CA10: variants seen among roughly 807,000 people sequenced by gnomAD.
CA10 encodes carbonic anhydrase-related protein 10.
A neutral mutation model predicts 44.2 loss-of-function variants in CA10; 14 were observed. The ratio of observed to expected loss-of-function variants is 0.32; its 90% CI spans 0.21 to 0.50. The LOEUF (loss-of-function observed/expected upper bound fraction) is 0.50, where lower values mean the gene tolerates loss of function less well. CA10 is among the 20% of genes least tolerant of loss of function. The pLI, the probability that CA10 is intolerant of heterozygous loss-of-function variation, is 0.99. For synonymous variants in CA10, 159 were observed against 141.6 expected (o/e 1.12, Z -0.87); for missense variants, 350 against 409.7 (o/e 0.85, Z 1.26).
intron 3 of CA10, among the ~76,000 whole-genome samples, chr17:51,881,945 A>G (rs1208459461): frequency 6.6e-6 from 1 of 152,192 alleles, no homozygotes; most frequent in Admixed American, 6.5e-5. Context: ...GCTCACATGC[A>G]TAAAGACACA....
In CA10 at chr17:51,749,852, C is replaced by T. The variant is rs1212166457; in HGVS notation, c.280-2034G>A. ...GGGAATGGGGAGAATAACTACTTCGCTTCAGATATCTTTGTGTCTCTTCGT... is the reference window on the plus strand; with the variant it reads ...GGGAATGGGGAGAATAACTACTTCGTTTCAGATATCTTTGTGTCTCTTCGT... On this transcript the variant is annotated intron_variant, in intron 3 of 8. Transcript: ENST00000451037. 2.0e-5 allele frequency among the ~76,000 whole-genome samples: 3 copies of T among 152,296 alleles called. No homozygotes were observed. The East Asian group carries it at 5.8e-4, about 29-fold the overall frequency.
intron 1 of CA10, among the ~76,000 whole-genome samples, chr17:52,141,812 GA>G (rs1164601107): frequency 6.6e-6 from 1 of 152,158 alleles, no homozygotes; most frequent in African/African-American, 2.4e-5. Flanking sequence ...TGAGAATGTG[GA>G]AAAACCTATC....
At chr17:51,647,982 G>C (rs1434915326) in intron 6 of CA10, among the ~76,000 whole-genome samples, 1 of 152,202 alleles carries the variant, frequency 6.6e-6, no homozygotes, top group African/African-American at 2.4e-5. Context: ...CTGCAGATGG[G>C]AGGGACTTGG....
intron 2 of CA10, among the ~76,000 whole-genome samples, chr17:52,004,715 G>A (rs1436717048): frequency 6.6e-6 from 1 of 151,760 alleles, no homozygotes; most frequent in Non-Finnish European, 1.5e-5. Context: ...TAATTAATAT[G>A]TACTTTTTCA....
intron 4 of CA10, among the ~76,000 whole-genome samples, chr17:51,656,672 G>T (rs1393940621): frequency 6.6e-6 from 1 of 152,182 alleles, no homozygotes; most frequent in Non-Finnish European, 1.5e-5. Context: ...GACAGTGTGC[G>T]CTCTAGGGAT....
At chr17:52,117,775 T>C (rs1016851262) in intron 1 of CA10, among the ~76,000 whole-genome samples, 9 of 152,246 alleles carry the variant, frequency 5.9e-5, no homozygotes, top group African/African-American at 1.9e-4. Flanking sequence ...CAGTAAAATG[T>C]GTTTTTAGTA....
At chr17:51,757,633 T>A (rs965542353) in intron 3 of CA10, among the ~76,000 whole-genome samples, 16 of 152,236 alleles carry the variant, frequency 1.1e-4, no homozygotes, top group Admixed American at 2.6e-4. Flanking sequence ...AGTACTATAA[T>A]AAGTGTGTGT....
intron 4 of CA10, among the ~76,000 whole-genome samples, chr17:51,718,868 T>C (rs1169267298): frequency 1.3e-5 from 2 of 152,206 alleles, no homozygotes; most frequent in Non-Finnish European, 2.9e-5. Flanking sequence ...GAAGTGTTGA[T>C]TGTTGAATGA....
chr17:51,736,882 G>A (rs1196165047), intron 4 of CA10, among the ~76,000 whole-genome samples: 2 of 152,158 alleles, frequency 1.3e-5, no homozygotes, highest in Non-Finnish European at 2.9e-5. Context: ...GTCCTCCGCA[G>A]GAACACAGAA....
chr17:52,080,567 A>G (rs1987947604), intron 1 of CA10, among the ~76,000 whole-genome samples: 1 of 152,036 alleles, frequency 6.6e-6, no homozygotes, highest in Admixed American at 6.6e-5. Flanking sequence ...GAAAGTCCCT[A>G]TTATGGCTAA....
intron 3 of CA10, among the ~76,000 whole-genome samples, chr17:51,892,428 G>A (rs140922867): frequency 3.9e-5 from 6 of 152,234 alleles, no homozygotes; most frequent in African/African-American, 9.6e-5. Context: ...TATAATAAAA[G>A]GAAATAATGA....
At chr17:51,769,085 G>A (rs576923684) in intron 3 of CA10, among the ~76,000 whole-genome samples, 1 of 152,242 alleles carries the variant, frequency 6.6e-6, no homozygotes, top group Admixed American at 6.5e-5. Context: ...AATGCCATCT[G>A]TTCTTGCCAT....
At chr17:51,875,188 C>A (rs913579950) in intron 3 of CA10, among the ~76,000 whole-genome samples, 2 of 151,992 alleles carry the variant, frequency 1.3e-5, no homozygotes, top group East Asian at 3.9e-4. Flanking sequence ...TTCCCAGGAA[C>A]CAGGAGAGCT....
intron 3 of CA10, among the ~76,000 whole-genome samples, chr17:51,760,496 A>G (rs1905189136): frequency 6.6e-6 from 1 of 152,128 alleles, no homozygotes; most frequent in Non-Finnish European, 1.5e-5. Context: ...ATCATCTCTC[A>G]TCTCTTGGAT....
At chr17:52,152,148 A>G (rs1433786446) in intron 1 of CA10, among the ~76,000 whole-genome samples, 5 of 152,036 alleles carry the variant, frequency 3.3e-5, no homozygotes, top group Non-Finnish European at 2.9e-5. Flanking sequence ...CTACAATCTC[A>G]AACAGGCTAC....
intron 3 of CA10, among the ~76,000 whole-genome samples, chr17:51,763,881 G>A (rs542357019): frequency 6.6e-6 from 1 of 151,928 alleles, no homozygotes; most frequent in South Asian, 2.1e-4. Context: ...CTCTGCTAAT[G>A]TATCTTATTC....
intron 2 of CA10, among the ~76,000 whole-genome samples, chr17:52,045,366 G>A (rs1986883930): frequency 6.8e-6 from 1 of 147,604 alleles, no homozygotes; most frequent in Non-Finnish European, 1.5e-5. Context: ...TGGAAATTTG[G>A]ATCTACACAA....
At position 52,158,044 on chromosome 17, in the gene CA10, A is replaced by C. The variant is rs902865802; in HGVS notation, c.-258T>G. 2 of 551,812 alleles carry C rather than the reference A, an allele frequency of 3.6e-6. No individual in the cohort carries two copies. The highest frequency in any genetic ancestry group is 6.5e-6 in the Non-Finnish European group (2 of 307,604). 34.2% of individuals were successfully genotyped at this position (551,812 alleles called of 1,614,324 possible). A position where few individuals can be genotyped will look rare whatever the true frequency, so the allele number is the denominator to read the frequency against. ...CATGTCCGATGCCTCGCTGCCTTGG[A>C]GGTCTCCCCGCTCGCGTGTCTCTTC... On this transcript the variant is annotated 5_prime_UTR_variant, in exon 1 of 9. Transcript: ENST00000451037.
chr17:51,986,336 C>A (rs562262896), intron 2 of CA10, among the ~76,000 whole-genome samples: 1 of 152,140 alleles, frequency 6.6e-6, no homozygotes, highest in East Asian at 1.9e-4. Flanking sequence ...TCATCTCTCA[C>A]CTTATACAAA....
Sources: gnomAD v4.1 joint callset for allele counts (sites outside exome capture counted in the v4.1 genomes callset) on GRCh38, gnomAD v4.1.1 for gene constraint, MANE v1.5 for transcripts, NCBI Gene and HGNC (gene_info 2026-07-23, HGNC 2026-07-21) for gene names.